Variants in KIFBP observed in about 807,000 individuals in gnomAD.
KIFBP encodes KIF-binding protein.
A neutral mutation model predicts 58.9 loss-of-function variants in KIFBP; 46 were observed. The observed-to-expected ratio is 0.78, with a 90% confidence interval of 0.62 to 1.00. The LOEUF (loss-of-function observed/expected upper bound fraction) is 1.00. KIFBP is among the 50% of genes least tolerant of loss of function. The pLI, the probability that KIFBP is intolerant of heterozygous loss-of-function variation, is 0.00. For missense variants in KIFBP, 651 were observed against 752.9 expected (o/e 0.86, Z 1.58); for synonymous variants, 241 against 283.4 (o/e 0.85, Z 1.50).
intron 1 of KIFBP, among the ~76,000 whole-genome samples, chr10:69,000,044 CAAA>C (rs766080138): frequency 2.0e-5 from 1 of 50,662 alleles, no homozygotes; most frequent in Non-Finnish European, 4.1e-5. Flanking sequence ...GACTCCGTCT[CAAA>C]AAAAAAAAAA....
At chr10:69,011,863 G>A (rs1443372489) in intron 6 of KIFBP, among the ~76,000 whole-genome samples, 3 of 150,750 alleles carry the variant, frequency 2.0e-5, no homozygotes, top group Non-Finnish European at 3.0e-5. Context: ...GCTAATTTTT[G>A]TCTTTTTAGT....
intron 4 of KIFBP, among the ~76,000 whole-genome samples, chr10:69,008,377 TAAA>T (rs1211667916): frequency 9.3e-5 from 7 of 75,422 alleles, no homozygotes; most frequent in African/African-American, 5.0e-4. Context: ...CCCTGTCTCG[TAAA>T]AAAAAAAAAA....
chr10:69,014,723 C>CCCT (rs1554843735), intron 6 of KIFBP, among the ~76,000 whole-genome samples: 20 of 143,636 alleles, frequency 1.4e-4, no homozygotes, highest in African/African-American at 5.1e-4. Context: ...TTTGCCCCCC[C>CCCT]CCACCCCCAA....
intron 1 of KIFBP, among the ~76,000 whole-genome samples, chr10:68,998,593 A>G (rs1843430855): frequency 6.6e-6 from 1 of 151,494 alleles, no homozygotes; most frequent in East Asian, 1.9e-4. Context: ...GGGGATCCTT[A>G]GACTTGAGGT....
In KIFBP at chr10:69,016,153, A is replaced by G. The variant is rs773542445; in HGVS notation, c.1603A>G (p.Ile535Val). ...RDPNKVFPEHIGEDVLRPAML... is the reference protein window; with the variant it reads ...RDPNKVFPEHVGEDVLRPAML... ...CCCAAATAAAGTATTCCCTGAGCAT[A>G]TAGGGGAAGATGTTCTTCGCCCTGC... Residue 535 changes from isoleucine to valine, a missense_variant, in exon 7 of 7, where the codon ATA becomes GTA. Physicochemically the swap from Ile to Val is conservative, Grantham distance 29. Transcript: ENST00000361983. The G allele has an allele frequency of 1.2e-6, 2 of 1,614,216 alleles. No homozygotes were observed. Among genetic ancestry groups the G allele is most frequent in the Non-Finnish European group, 1.7e-6 (2 of 1,180,040 alleles).
chr10:68,996,318 T>G lies in KIFBP; in HGVS notation c.427-4106T>G, dbSNP rs913093224. On this transcript the variant is annotated intron_variant, in intron 1 of 6. Transcript: ENST00000361983. ...GCTGACGCCTGTAATCCCAGCATTT[T>G]GGGAGGCTGAGGTGGGTGGATCACC... Among the ~76,000 whole-genome samples the G allele has an allele frequency of 7.2e-5, 11 of 152,274 alleles. No homozygotes were observed. In the South Asian group the frequency reaches 8.3e-4, roughly 11 times the overall value.
At chr10:69,006,941 T>A (rs758953016) in intron 4 of KIFBP, 2 of 152,252 alleles carry the variant, frequency 1.3e-5, no homozygotes, top group Non-Finnish European at 2.9e-5. Context: ...TAAGTAACGC[T>A]ACTGCATATA....
At chr10:69,009,392 A>G (rs1413609483) in intron 5 of KIFBP, among the ~76,000 whole-genome samples, 1 of 152,048 alleles carries the variant, frequency 6.6e-6, no homozygotes, top group African/African-American at 2.4e-5. Context: ...TACACTGCAT[A>G]TTTCTATTTC....
intron 4 of KIFBP, among the ~76,000 whole-genome samples, chr10:69,008,377 T>TAAAAAAAAAAAAAAAAAAAAA: frequency 1.3e-5 from 1 of 75,422 alleles, no homozygotes. Flanking sequence ...CCCTGTCTCG[T>TAAAAAAAAAAAAAAAAAAAAA]AAAAAAAAAA....
At chr10:69,000,556 A>C (rs553800967) in intron 2 of KIFBP, 34 bp downstream of exon 2, 2 of 1,258,246 alleles carry the variant, frequency 1.6e-6, no homozygotes, top group South Asian at 1.2e-5. Context: ...TTAAGTTTTG[A>C]TTGAAACTAG....
In KIFBP at chr10:68,990,705, G is replaced by A. The variant is rs557945411; in HGVS notation, c.426+1447G>A. Among the ~76,000 whole-genome samples, 5 of 152,138 alleles carry A rather than the reference G, an allele frequency of 3.3e-5. No individual in the cohort carries two copies. In the South Asian group the frequency reaches 6.2e-4, roughly 19 times the overall value. ...TGTTGATTATTAAAGAAGGAAAATC[G>A]CAGGGCTGAGGCAGGAGGATCGCTT... On this transcript the variant is annotated intron_variant, in intron 1 of 6. Transcript: ENST00000361983.
rs535040747 is a variant in KIFBP at position 69,001,947 on chromosome 10, A to G, written c.525+1425A>G. Among the ~76,000 whole-genome samples, 24 of 152,160 alleles carry G rather than the reference A, an allele frequency of 1.6e-4. No individual in the cohort carries two copies. The South Asian group carries it at 4.8e-3, about 30-fold the overall frequency. On this transcript the variant is annotated intron_variant, in intron 2 of 6. Transcript: ENST00000361983. Reference sequence around the variant, plus strand: ...CACTTTGGGAGGCTGAGGCTGGAGGATCACTTGAGCCCAGGAGTTTGAGAC... The same window carrying G: ...CACTTTGGGAGGCTGAGGCTGGAGGGTCACTTGAGCCCAGGAGTTTGAGAC...
intron 4 of KIFBP, among the ~76,000 whole-genome samples, chr10:69,007,125 C>T (rs757227846): frequency 6.6e-6 from 1 of 152,092 alleles, no homozygotes; most frequent in Non-Finnish European, 1.5e-5. Context: ...ATACTTAAAA[C>T]TCCATGGAAA....
chr10:68,991,328 G>A, intron 1 of KIFBP: 1 of 252,586 alleles, frequency 4.0e-6, no homozygotes, highest in Non-Finnish European at 8.3e-6. Flanking sequence ...TCAGGACTAT[G>A]TCAATGGCAG....
chr10:68,991,971 G>GTT (rs34566218), intron 1 of KIFBP, among the ~76,000 whole-genome samples: 11 of 144,270 alleles, frequency 7.6e-5, no homozygotes, highest in East Asian at 2.0e-4. Flanking sequence ...TTTTATGTGG[G>GTT]TTTTTTTTTT....
rs139483880 is a variant in KIFBP at position 69,005,077 on chromosome 10, G to A, written c.557G>A (p.Arg186His). ...AGTCCTCCTCTTGATCCTACTGAGC[G>A]TTTTCTTCCTGAAGAAGAGAAACTT... ...VGSPPLDPTE[R>H]FLPEEEKLTE... Residue 186 changes from arginine (R) to histidine (H), a missense_variant, in exon 3 of 7, where the codon CGT becomes CAT. Transcript: ENST00000361983. The A allele has an allele frequency of 1.3e-4, 209 of 1,613,650 alleles. No individual in the cohort carries two copies. The African/African-American group carries it at 1.9e-3, about 14-fold the overall frequency.
At chr10:68,989,283 G>A (rs773989906) in intron 1 of KIFBP, 25 bp downstream of exon 1, 1 of 1,609,704 alleles carries the variant, frequency 6.2e-7, no homozygotes, top group East Asian at 2.2e-5. Context: ...GGCCAGGCCG[G>A]CCCCTGTTGG....
chr10:68,989,332 A>G, intron 1 of KIFBP, 74 bp downstream of exon 1: 1 of 1,526,762 alleles, frequency 6.5e-7, no homozygotes, highest in Non-Finnish European at 8.9e-7. Context: ...TGCCAAGGCC[A>G]AGGGCAGACG....
chr10:69,005,137 T>C lies in KIFBP; in HGVS notation c.605+12T>C, dbSNP rs773626340. The C allele has an allele frequency of 4.5e-6, 7 of 1,567,122 alleles. No individual in the cohort carries two copies. The highest frequency in any genetic ancestry group is 1.1e-5 in the South Asian group (1 of 90,126). ...GAGAGATCAAAAAGGTGAGTAGGTA[T>C]AGAAATCAGCCCTTGCAAATATTTC... is the stretch of plus-strand genomic sequence containing the variant. On this transcript the variant is annotated intron_variant, in intron 3 of 6. Coordinates refer to ENST00000361983, the MANE Select transcript of KIFBP (RefSeq NM_015634.4).
Sources: gnomAD v4.1 joint callset for allele counts (sites outside exome capture counted in the v4.1 genomes callset) on GRCh38, gnomAD v4.1.1 for gene constraint, MANE v1.5 for transcripts, NCBI Gene and HGNC (gene_info 2026-07-23, HGNC 2026-07-21) for gene names.